GRP: variants seen among roughly 807,000 people sequenced by gnomAD.
GRP encodes the protein gastrin releasing peptide.
In GRP, 11 loss-of-function variants were observed where a neutral mutation model predicts 12.7. That is an observed-to-expected ratio of 0.87 (90% CI 0.55 to 1.44). The LOEUF (loss-of-function observed/expected upper bound fraction) is 1.44. Ranked by LOEUF, GRP falls within the 40% of genes most tolerant of loss-of-function variation. GRP has a pLI of 0.00. For missense variants in GRP, 212 were observed against 185.4 expected, an observed-to-expected ratio of 1.14 and a Z score of -0.83; for synonymous variants, 84 against 77.7, an observed-to-expected ratio of 1.08 and a Z score of -0.43.
Position 59,225,598 on chromosome 18 carries a change from G to C in GRP, c.246G>C (p.Arg82Ser). 6.2e-7 allele frequency: 1 copy of C among 1,614,118 alleles called. No homozygotes were observed. The highest frequency in any genetic ancestry group is 8.5e-7 in the Non-Finnish European group (1 of 1,180,014). The change falls in exon 2 of 3, where the codon AGG becomes AGC. Residue 82 changes from arginine (R) to serine (S), a missense_variant. Arg to Ser is a moderately radical substitution (Grantham distance 110, BLOSUM62 -1). Transcript: ENST00000256857. ...REYIRWEEAARNLLGLIEAKE... is the reference protein window; with the variant it reads ...REYIRWEEAASNLLGLIEAKE... ...ACATCAGGTGGGAAGAAGCTGCAAGGAATTTGCTGGGTCTCATAGAAGCAA... is the reference window on the plus strand; with the variant it reads ...ACATCAGGTGGGAAGAAGCTGCAAGCAATTTGCTGGGTCTCATAGAAGCAA...
At position 59,230,469 on chromosome 18, in the gene GRP, T is replaced by C. The variant is rs2070016033; in HGVS notation, c.*1T>C. The C allele has an allele frequency of 6.4e-7, 1 of 1,555,750 alleles. No homozygotes were observed. The highest frequency in any genetic ancestry group is 1.4e-5 in the African/African-American group (1 of 73,804). Reference sequence around the variant, plus strand: ...GAACCCCCAGCTGAACCAGCAATGATAATGATGGCCTCTCTCAAAAGAGAA... The same window carrying C: ...GAACCCCCAGCTGAACCAGCAATGACAATGATGGCCTCTCTCAAAAGAGAA... On this transcript the variant is annotated 3_prime_UTR_variant, in exon 3 of 3. Coordinates refer to ENST00000256857, the MANE Select transcript of GRP (RefSeq NM_002091.5).
rs527515216 is a variant in GRP, at chr18:59,227,160, A to G, written c.382+1426A>G. ...TGCTTGTCTCAAACTCCTGGGCTCA[A>G]GTGATTTCCCTCAGCCTTGGCCTCC... On this transcript the variant is annotated intron_variant, in intron 2 of 2. Coordinates refer to ENST00000256857, the MANE Select transcript of GRP (RefSeq NM_002091.5). Among the ~76,000 whole-genome samples, 4 of 150,742 alleles carry G rather than the reference A, an allele frequency of 2.7e-5. No individual in the cohort carries two copies. The East Asian group carries it at 5.8e-4, about 22-fold the overall frequency.
intron 1 of GRP, among the ~76,000 whole-genome samples, chr18:59,221,108 A>G (rs1428901924): frequency 1.3e-5 from 2 of 152,066 alleles, no homozygotes; most frequent in Non-Finnish European, 2.9e-5. Context: ...CCTGCTCTCC[A>G]AGCTCATCCC....
At chr18:59,221,977 GA>G (rs1472470804) in intron 1 of GRP, among the ~76,000 whole-genome samples, 1 of 152,132 alleles carries the variant, frequency 6.6e-6, no homozygotes, top group Non-Finnish European at 1.5e-5. Context: ...TCCATTTCAA[GA>G]ATGAAGGATG....
At chr18:59,222,472 G>A (rs112721153) in intron 1 of GRP, among the ~76,000 whole-genome samples, 1 of 152,182 alleles carries the variant, frequency 6.6e-6, no homozygotes, top group African/African-American at 2.4e-5. Flanking sequence ...AAGGGAAAGA[G>A]GGAGGTGAAG....
At chr18:59,220,145 T>G, upstream of GRP, 1 of 322,524 alleles carries the variant, frequency 3.1e-6, no homozygotes, top group Non-Finnish European at 5.4e-6. Flanking sequence ...GTAGGGGCCC[T>G]AGTGGAGGCC....
chr18:59,223,294 G>C (rs2069864680), intron 1 of GRP, among the ~76,000 whole-genome samples: 2 of 152,180 alleles, frequency 1.3e-5, no homozygotes, highest in African/African-American at 4.8e-5. Flanking sequence ...CATCCATGTT[G>C]CCATGGAGAT....
intron 1 of GRP, 63 bp from the exon 2 acceptor site, chr18:59,225,426 ATTT>A: frequency 1.4e-6 from 2 of 1,475,224 alleles, no homozygotes; most frequent in South Asian, 2.6e-5. Flanking sequence ...TTTCTTTTAA[ATTT>A]CTCATTCATT....
chr18:59,230,507 TA>T lies in GRP; in HGVS notation c.*41del. ...TCTCAAAAGAGAAAAACAAAACCCC[TA>T]AGAGACTGCGTTCTGCAAGCATCAG... On this transcript the variant is annotated 3_prime_UTR_variant, in exon 3 of 3. Transcript: ENST00000256857. 1 of 1,078,660 alleles carries T rather than the reference TA, an allele frequency of 9.3e-7. No homozygotes were observed. Among genetic ancestry groups the T allele is most frequent in the Non-Finnish European group, 1.4e-6 (1 of 690,914 alleles). The allele number at this position is 1,078,660 out of a possible 1,614,324, so 66.8% of individuals were successfully genotyped here. A position where few individuals can be genotyped will look rare whatever the true frequency, so the allele number is the denominator to read the frequency against.
At chr18:59,229,007 C>T (rs1420071552) in intron 2 of GRP, among the ~76,000 whole-genome samples, 1 of 152,178 alleles carries the variant, frequency 6.6e-6, no homozygotes, top group Non-Finnish European at 1.5e-5. Context: ...TGTGTTCGTT[C>T]TTCACTTTTA....
chr18:59,230,171 A>C (rs1382654933), intron 2 of GRP, among the ~76,000 whole-genome samples: 1 of 152,164 alleles, frequency 6.6e-6, no homozygotes, highest in African/African-American at 2.4e-5. Context: ...CTCCTGGGGG[A>C]CAGCTCTGGT....
At chr18:59,229,259 C>T (rs1363240695) in intron 2 of GRP, among the ~76,000 whole-genome samples, 2 of 152,170 alleles carry the variant, frequency 1.3e-5, no homozygotes, top group African/African-American at 4.8e-5. Context: ...CCTCCCAGTT[C>T]CTTGATCTTC....
rs151204598 is a variant in GRP at position 59,220,824 on chromosome 18, C to A, written c.139+420C>A. 6.0e-4 allele frequency among the ~76,000 whole-genome samples: 91 copies of A among 152,294 alleles called. 2 individuals are homozygous for A. The highest frequency in any genetic ancestry group is 4.5e-3 in the Admixed American group (69 of 15,298). ...TTGTCCCTTGAAAGCATCTCAGAACCCTGGTCCAGCTCGGTGGCCTCAACA... is the reference window on the plus strand; with the variant it reads ...TTGTCCCTTGAAAGCATCTCAGAACACTGGTCCAGCTCGGTGGCCTCAACA... On this transcript the variant is annotated intron_variant, in intron 1 of 2. Coordinates refer to ENST00000256857, the MANE Select transcript of GRP (RefSeq NM_002091.5).
At chr18:59,225,180 G>A (rs1455195681) in intron 1 of GRP, among the ~76,000 whole-genome samples, 2 of 152,134 alleles carry the variant, frequency 1.3e-5, no homozygotes, top group Non-Finnish European at 2.9e-5. Context: ...TCATTTTATA[G>A]TTGAGAAAAT....
intron 1 of GRP, among the ~76,000 whole-genome samples, chr18:59,221,001 T>C (rs562873674): frequency 6.6e-6 from 1 of 152,366 alleles, no homozygotes; most frequent in East Asian, 1.9e-4. Flanking sequence ...CTCTGGAGTT[T>C]CCTCAGTCCT....
rs1389302351 is a variant in GRP, at chr18:59,227,065, CTTTT to C, written c.382+1332_382+1335del. 3.2e-3 allele frequency among the ~76,000 whole-genome samples: 322 copies of C among 99,174 alleles called. 4 individuals are homozygous for C. The highest frequency in any genetic ancestry group is 0.012 in the African/African-American group (298 of 23,902). The allele number at this position is 99,174 out of a possible 152,430, so 65.1% of individuals were successfully genotyped here. A position where few individuals can be genotyped will look rare whatever the true frequency, so the allele number is the denominator to read the frequency against. On this transcript the variant is annotated intron_variant, in intron 2 of 2. Transcript: ENST00000256857. ...TCTTTCTTTCTTTCTTCCTTTCTTTCTTTTCTTTCCTTTCTCTCTTGCTCTCTCT... is the reference window on the plus strand; with the variant it reads ...TCTTTCTTTCTTTCTTCCTTTCTTTCCTTTCCTTTCTCTCTTGCTCTCTCT...
intron 1 of GRP, among the ~76,000 whole-genome samples, chr18:59,222,790 G>A (rs2069856404): frequency 6.6e-6 from 1 of 152,184 alleles, no homozygotes; most frequent in Non-Finnish European, 1.5e-5. Context: ...ATGGAAAAAA[G>A]GTTAACAGCT....
intron 2 of GRP, among the ~76,000 whole-genome samples, chr18:59,228,527 T>G (rs544343153): frequency 6.6e-6 from 1 of 152,334 alleles, no homozygotes; most frequent in East Asian, 1.9e-4. Flanking sequence ...AAGCATTTCC[T>G]ATGTTTTGAT....
intron 2 of GRP, among the ~76,000 whole-genome samples, chr18:59,226,227 A>ATTAAAATGAT (rs2069918966): frequency 6.6e-6 from 1 of 152,076 alleles, no homozygotes; most frequent in Admixed American, 6.6e-5. Context: ...ATATTTTAAA[A>ATTAAAATGAT]CTCAGTGAAC....
Sources: allele counts gnomAD v4.1 joint callset (sites outside exome capture counted in the v4.1 genomes callset), GRCh38; gene constraint gnomAD v4.1.1; transcripts MANE v1.5; gene names NCBI Gene and HGNC (gene_info 2026-07-23, HGNC 2026-07-21).